Variants in ADGRL2 observed in about 807,000 individuals in gnomAD.
ADGRL2 encodes the protein adhesion G protein-coupled receptor L2.
In ADGRL2, 44 loss-of-function variants were observed where a neutral mutation model predicts 157.4. That is an observed-to-expected ratio of 0.28 (90% CI 0.22 to 0.36). The LOEUF (loss-of-function observed/expected upper bound fraction) is 0.36. Ranked by LOEUF, ADGRL2 falls within the 10% of genes least tolerant of loss-of-function variation. The probability of loss-of-function intolerance (pLI) is 1.00; values close to 1 mark genes in which losing one functional copy is unlikely to be tolerated. For missense variants in ADGRL2, 1,510 were observed against 1,768.9 expected, an observed-to-expected ratio of 0.85 and a Z score of 2.63; for synonymous variants, 585 against 624.7, an observed-to-expected ratio of 0.94 and a Z score of 0.95.
In ADGRL2 at chr1:81,993,064, TATATATATATATATATATATATA is replaced by T; in HGVS notation, c.*1920_*1942del. 1.2e-4 allele frequency among the ~76,000 whole-genome samples: 3 copies of T among 25,832 alleles called. No homozygotes were observed. Among genetic ancestry groups the T allele is most frequent in the Non-Finnish European group, 1.8e-4 (3 of 16,272 alleles). The allele number at this position is 25,832 out of a possible 152,430, so 16.9% of individuals were successfully genotyped here. A position where few individuals can be genotyped will look rare whatever the true frequency, so the allele number is the denominator to read the frequency against. ...AGTGCATATATATAATATACATATA[TATATATATATATATATATATATA>T]TTTTTTTTTTTTTTTTTTTTTTTTT... On this transcript the variant is annotated 3_prime_UTR_variant, in exon 24 of 24. Coordinates refer to ENST00000686636, the MANE Select transcript of ADGRL2 (RefSeq NM_001366006.2).
chr1:81,684,061 T>C (rs1000836481), intron 3 of ADGRL2, among the ~76,000 whole-genome samples: 1 of 152,130 alleles, frequency 6.6e-6, no homozygotes, highest in Non-Finnish European at 1.5e-5. Flanking sequence ...GTGATCCGCC[T>C]GCCTCAGCCT....
In ADGRL2 at chr1:81,992,600, A is replaced by G. The variant is rs1427522237; in HGVS notation, c.*1455A>G. Among the ~76,000 whole-genome samples the G allele has an allele frequency of 6.6e-6, 1 of 152,146 alleles. No individual in the cohort carries two copies. Among genetic ancestry groups the G allele is most frequent in the African/African-American group, 2.4e-5 (1 of 41,440 alleles). ...TATGTCTTCCAATTGCCCACTACAT[A>G]TGCACAAAATCTGCTGGATAAGTTT... On this transcript the variant is annotated 3_prime_UTR_variant, in exon 24 of 24. Coordinates refer to ENST00000686636, the MANE Select transcript of ADGRL2 (RefSeq NM_001366006.2).
chr1:81,675,726 C>T (rs1054364007), intron 3 of ADGRL2, among the ~76,000 whole-genome samples: 4 of 151,914 alleles, frequency 2.6e-5, no homozygotes, highest in African/African-American at 7.3e-5. Context: ...GGATTACAGG[C>T]GTGTGCCATC....
At chr1:81,593,914 C>T (rs560407160) in intron 3 of ADGRL2, among the ~76,000 whole-genome samples, 1 of 152,256 alleles carries the variant, frequency 6.6e-6, no homozygotes, top group Admixed American at 6.5e-5. Context: ...AGTTTGTTGG[C>T]ATGGCTGACC....
At chr1:81,485,746 C>A (rs1033828432) in intron 2 of ADGRL2, among the ~76,000 whole-genome samples, 1 of 152,036 alleles carries the variant, frequency 6.6e-6, no homozygotes, top group Non-Finnish European at 1.5e-5. Flanking sequence ...GATAAGTAAA[C>A]AAACATTTAG....
At chr1:81,918,019 T>C (rs1224059185) in intron 3 of ADGRL2, among the ~76,000 whole-genome samples, 1 of 152,222 alleles carries the variant, frequency 6.6e-6, no homozygotes, top group Non-Finnish European at 1.5e-5. Context: ...TCTCTGACTT[T>C]TCTGATATAC....
intron 3 of ADGRL2, among the ~76,000 whole-genome samples, chr1:81,936,307 AC>A (rs1456259911): frequency 2.0e-5 from 3 of 151,870 alleles, no homozygotes; most frequent in Admixed American, 6.6e-5. Flanking sequence ...TTTGACTCTT[AC>A]GTTTCTGTTT....
At chr1:81,485,329 AT>A (rs2078477666) in intron 2 of ADGRL2, among the ~76,000 whole-genome samples, 1 of 152,114 alleles carries the variant, frequency 6.6e-6, no homozygotes. Context: ...CAAATGAATA[AT>A]TAACTCCAAT....
intron 3 of ADGRL2, among the ~76,000 whole-genome samples, chr1:81,920,159 AGTAATG>A (rs1321950889): frequency 6.6e-6 from 1 of 152,166 alleles, no homozygotes; most frequent in African/African-American, 2.4e-5. Flanking sequence ...TGGAATTAAT[AGTAATG>A]CGGTTTCCTA....
At chr1:81,784,852 G>A (rs1198126249) in intron 2 of ADGRL2, among the ~76,000 whole-genome samples, 1 of 151,886 alleles carries the variant, frequency 6.6e-6, no homozygotes, top group East Asian at 1.9e-4. Context: ...TCATTTTTTG[G>A]TATGGACACA....
At chr1:81,380,212 T>C (rs1433557066) in intron 1 of ADGRL2, among the ~76,000 whole-genome samples, 1 of 152,236 alleles carries the variant, frequency 6.6e-6, no homozygotes, top group African/African-American at 2.4e-5. Flanking sequence ...CGTTTTCCCA[T>C]ATGTTTGTTT....
chr1:81,948,638 T>C (rs1650715951), intron 6 of ADGRL2, among the ~76,000 whole-genome samples: 1 of 152,176 alleles, frequency 6.6e-6, no homozygotes, highest in Non-Finnish European at 1.5e-5. Context: ...TGCATTGTAA[T>C]CAAAAGAAAA....
At chr1:81,737,435 C>T (rs2084939721) in intron 1 of ADGRL2, among the ~76,000 whole-genome samples, 1 of 152,044 alleles carries the variant, frequency 6.6e-6, no homozygotes, top group South Asian at 2.1e-4. Flanking sequence ...ACTAATTCAC[C>T]ATCATAAGAA....
At chr1:81,919,018 T>A (rs991521951) in intron 3 of ADGRL2, among the ~76,000 whole-genome samples, 2 of 152,152 alleles carry the variant, frequency 1.3e-5, no homozygotes, top group African/African-American at 4.8e-5. Context: ...CACGCCTACC[T>A]TTTTTATTTA....
chr1:81,612,557 A>T (rs904849266), intron 3 of ADGRL2, among the ~76,000 whole-genome samples: 9 of 152,294 alleles, frequency 5.9e-5, no homozygotes, highest in Middle Eastern at 6.8e-3. Flanking sequence ...TTGGCAGAGC[A>T]TACATTATGC....
At chr1:81,921,129 G>A (rs2094968626) in intron 3 of ADGRL2, among the ~76,000 whole-genome samples, 1 of 152,094 alleles carries the variant, frequency 6.6e-6, no homozygotes, top group African/African-American at 2.4e-5. Flanking sequence ...AAATGGAAAA[G>A]TTTAAGGGTC....
chr1:81,834,698 CTT>C (rs201266082), intron 1 of ADGRL2, among the ~76,000 whole-genome samples: 1 of 148,234 alleles, frequency 6.7e-6, no homozygotes, highest in Non-Finnish European at 1.5e-5. Flanking sequence ...ATAAATTTGA[CTT>C]TTTTTTTTAC....
At chr1:81,447,869 G>T (rs919850936) in intron 2 of ADGRL2, among the ~76,000 whole-genome samples, 7 of 152,046 alleles carry the variant, frequency 4.6e-5, no homozygotes, top group Non-Finnish European at 1.0e-4. Flanking sequence ...GATCATGGGG[G>T]TAGATCCTCC....
At position 81,706,890 on chromosome 1, in the gene ADGRL2, T is replaced by C. The variant is rs182126399; in HGVS notation, c.-143+7082T>C. Reference sequence around the variant, plus strand: ...AATTTCATGAAGAGATTTCTCTTCATAGGAAGAGAAGTCATAAGCTGGGTG... The same window carrying C: ...AATTTCATGAAGAGATTTCTCTTCACAGGAAGAGAAGTCATAAGCTGGGTG... On this transcript the variant is annotated intron_variant, in intron 1 of 20. Coordinates refer to the ADGRL2 transcript ENST00000359929. Among the ~76,000 whole-genome samples the C allele has an allele frequency of 3.0e-3, 450 of 152,244 alleles. 2 individuals carry two copies. Among genetic ancestry groups the C allele is most frequent in the Admixed American group, 4.8e-3 (74 of 15,294 alleles).
Sources: gnomAD v4.1 joint callset for allele counts (sites outside exome capture counted in the v4.1 genomes callset) on GRCh38, gnomAD v4.1.1 for gene constraint, MANE v1.5 for transcripts, NCBI Gene and HGNC (gene_info 2026-07-23, HGNC 2026-07-21) for gene names.